Variants in ADAM23 observed in about 807,000 individuals in gnomAD.
ADAM23 encodes the protein disintegrin and metalloproteinase domain-containing protein 23.
In ADAM23, 33 loss-of-function variants were observed where a neutral mutation model predicts 120.1. The observed-to-expected ratio is 0.27, with a 90% CI of 0.21 to 0.37. ADAM23 has a LOEUF of 0.37. ADAM23 is among the 10% of genes least tolerant of loss of function. The pLI is 1.00. For synonymous variants in ADAM23, 367 were observed against 375.2 expected (o/e 0.98, Z 0.25); for missense variants, 862 against 1,058.2 (o/e 0.81, Z 2.57).
At chr2:206,575,531 C>G (rs1698094617) in intron 18 of ADAM23, among the ~76,000 whole-genome samples, 1 of 152,136 alleles carries the variant, frequency 6.6e-6, no homozygotes, top group South Asian at 2.1e-4. Context: ...CTCCTCAGGA[C>G]AAGCTCCTAA....
intron 2 of ADAM23, among the ~76,000 whole-genome samples, chr2:206,459,375 G>A (rs1695366462): frequency 6.6e-6 from 1 of 152,144 alleles, no homozygotes; most frequent in South Asian, 2.1e-4. Context: ...TATTTGGGAT[G>A]TTAATCCTTT....
chr2:206,603,995 G>A (rs1474003266), intron 24 of ADAM23, among the ~76,000 whole-genome samples: 1 of 151,866 alleles, frequency 6.6e-6, no homozygotes, highest in Admixed American at 6.6e-5. Context: ...ACCAGGCACG[G>A]TGGCCTCATG....
At chr2:206,491,450 A>C (rs1437901498) in intron 3 of ADAM23, among the ~76,000 whole-genome samples, 6 of 152,214 alleles carry the variant, frequency 3.9e-5, no homozygotes, top group Non-Finnish European at 7.3e-5. Flanking sequence ...AGACATCTCT[A>C]GTGAGTCAGG....
At chr2:206,446,717 T>C (rs1480410160) in intron 2 of ADAM23, among the ~76,000 whole-genome samples, 3 of 152,172 alleles carry the variant, frequency 2.0e-5, no homozygotes, top group African/African-American at 4.8e-5. Flanking sequence ...AGGTGAACTT[T>C]CTTTCACATT....
At chr2:206,529,055 C>G (rs1696996825) in intron 3 of ADAM23, among the ~76,000 whole-genome samples, 1 of 152,070 alleles carries the variant, frequency 6.6e-6, no homozygotes, top group South Asian at 2.1e-4. Context: ...TTTGTATTTC[C>G]ACATTGTATA....
At chr2:206,474,792 C>T (rs1695741945) in intron 2 of ADAM23, among the ~76,000 whole-genome samples, 1 of 152,112 alleles carries the variant, frequency 6.6e-6, no homozygotes, top group South Asian at 2.1e-4. Flanking sequence ...CCAGCCTGGT[C>T]TTGAACTCCT....
Position 206,493,620 on chromosome 2 carries a change from G to A in ADAM23, c.509+12312G>A, listed in dbSNP as rs996717633. Among the ~76,000 whole-genome samples, 3 of 152,198 alleles carry A rather than the reference G, an allele frequency of 2.0e-5. No homozygotes were observed. In the South Asian group the frequency reaches 6.2e-4, roughly 31 times the overall value. On this transcript the variant is annotated intron_variant, in intron 3 of 25. Transcript: ENST00000264377. ...ACTCCCGACCTCAGGTGATCCACCT[G>A]CCTCGGCCTCCCAAGTGCTGGGATT...
At position 206,609,977 on chromosome 2, in the gene ADAM23, TG is replaced by T; in HGVS notation, c.2432del (p.Gly811AlafsTer53). On this transcript the variant is annotated frameshift_variant, in exon 25 of 26. Coordinates refer to ENST00000264377, the MANE Select transcript of ADAM23 (RefSeq NM_003812.4). LOFTEE classifies it high-confidence loss of function. ...GAILVAAIVL[G>X]GTGWGFKNVK... ...CCATCCTGGTAGCAGCTATTGTCCT[TG>T]GGGGCACAGGCTGGGGATTTAAGTA... The T allele has an allele frequency of 6.3e-7, 1 of 1,588,186 alleles. No homozygotes were observed. Among genetic ancestry groups the T allele is most frequent in the Admixed American group, 1.9e-5 (1 of 53,982 alleles).
rs563232788 is a variant in ADAM23 at position 206,599,313 on chromosome 2, G to C, written c.2359+3151G>C. Among the ~76,000 whole-genome samples the C allele has an allele frequency of 2.9e-3, 434 of 151,458 alleles. 1 individual carries two copies. The highest frequency in any genetic ancestry group is 0.01 in the African/African-American group (413 of 41,268). ...TGGAGTCATTGCAAAGTTATCTATT[G>C]GTTCTAAAATTATTAAAAACCTTAT... On this transcript the variant is annotated intron_variant, in intron 24 of 25. Coordinates refer to ENST00000264377, the MANE Select transcript of ADAM23 (RefSeq NM_003812.4).
chr2:206,508,186 C>G (rs183906265), intron 3 of ADAM23, among the ~76,000 whole-genome samples: 1 of 152,092 alleles, frequency 6.6e-6, no homozygotes, highest in Non-Finnish European at 1.5e-5. Flanking sequence ...TCCACCACCA[C>G]GCCCAGCTAA....
At chr2:206,456,050 A>G (rs1322172266) in intron 2 of ADAM23, among the ~76,000 whole-genome samples, 5 of 152,202 alleles carry the variant, frequency 3.3e-5, no homozygotes, top group Middle Eastern at 3.4e-3. Flanking sequence ...CCTGGTACCA[A>G]TTTTCTGTAT....
At chr2:206,563,727 CTT>C (rs3084932) in intron 13 of ADAM23, among the ~76,000 whole-genome samples, 1 of 140,504 alleles carries the variant, frequency 7.1e-6, no homozygotes. Context: ...TCCTAAAATT[CTT>C]TTTTTTTTTT....
chr2:206,557,438 T>C lies in ADAM23; in HGVS notation c.945T>C (p.His315=), dbSNP rs1178040508. 2.4e-5 allele frequency: 39 copies of C among 1,613,366 alleles called. No individual in the cohort carries two copies. The highest frequency in any genetic ancestry group is 3.3e-5 in the Non-Finnish European group (39 of 1,179,316). Residue 315 remains histidine (H), a synonymous_variant, in exon 10 of 26, where the codon CAT becomes CAC. Coordinates refer to ENST00000264377, the MANE Select transcript of ADAM23 (RefSeq NM_003812.4). The part of the protein sequence containing the change: ...IVNDHKTYKK[H]RSSHAHTNNF... Reference sequence around the variant, plus strand: ...TATTTCCCCCCTAGTATAAGAAGCATCGCTCTTCTCATGCACATACCAACA... The same window carrying C: ...TATTTCCCCCCTAGTATAAGAAGCACCGCTCTTCTCATGCACATACCAACA...
At chr2:206,603,329 A>G (rs1698673985) in intron 24 of ADAM23, among the ~76,000 whole-genome samples, 1 of 152,236 alleles carries the variant, frequency 6.6e-6, no homozygotes, top group African/African-American at 2.4e-5. Flanking sequence ...ACAAGTTCCT[A>G]CTTGCCAAAA....
chr2:206,495,461 G>A (rs185666192), intron 3 of ADAM23, among the ~76,000 whole-genome samples: 10 of 152,224 alleles, frequency 6.6e-5, no homozygotes, highest in South Asian at 2.1e-4. Flanking sequence ...GAGAGATTTC[G>A]TCACCACCAG....
At chr2:206,565,462 A>T (rs1697858583) in intron 14 of ADAM23, among the ~76,000 whole-genome samples, 1 of 152,242 alleles carries the variant, frequency 6.6e-6, no homozygotes. Context: ...GTTTACGGTA[A>T]TAAAAATTAA....
chr2:206,558,524 C>T (rs1457510667), intron 10 of ADAM23, among the ~76,000 whole-genome samples: 1 of 152,122 alleles, frequency 6.6e-6, no homozygotes, highest in Non-Finnish European at 1.5e-5. Context: ...AGTGGATGTG[C>T]GTCGAGTATC....
At chr2:206,547,094 T>G (rs1697414289) in intron 6 of ADAM23, among the ~76,000 whole-genome samples, 1 of 152,128 alleles carries the variant, frequency 6.6e-6, no homozygotes, top group African/African-American at 2.4e-5. Context: ...TTAAAAAAAA[T>G]GCATGTTGAA....
intron 3 of ADAM23, among the ~76,000 whole-genome samples, chr2:206,515,476 G>T (rs889566304): frequency 5.9e-5 from 9 of 152,082 alleles, no homozygotes; most frequent in African/African-American, 9.7e-5. Flanking sequence ...CTTTGCTCCT[G>T]TGTCCTTCCA....
Sources: allele counts gnomAD v4.1 joint callset (sites outside exome capture counted in the v4.1 genomes callset), GRCh38; gene constraint gnomAD v4.1.1; transcripts MANE v1.5; gene names NCBI Gene and HGNC (gene_info 2026-07-23, HGNC 2026-07-21).